The following PCDH15 variants were observed in gnomAD, a reference collection of about 807,000 sequenced individuals.
The protein encoded by PCDH15 is protocadherin related 15.
Under a neutral mutation model 178.5 loss-of-function variants are expected in PCDH15, and 129 were observed. The ratio of observed to expected loss-of-function variants is 0.72; its 90% confidence interval spans 0.63 to 0.84. The LOEUF (loss-of-function observed/expected upper bound fraction) is 0.84, where lower values mean the gene tolerates loss of function less well. Among genes scored for constraint, PCDH15 ranks in the 40% least tolerant of loss-of-function variants. The pLI, the probability that PCDH15 is intolerant of heterozygous loss-of-function variation, is 0.00. For missense variants in PCDH15, 2,230 were observed against 2,099.9 expected (o/e 1.06, Z -1.21); for synonymous variants, 800 against 732.0 (o/e 1.09, Z -1.50).
intron 2 of PCDH15, among the ~76,000 whole-genome samples, chr10:54,967,832 CA>C (rs1267405844): frequency 2.0e-5 from 3 of 152,136 alleles, no homozygotes; most frequent in Non-Finnish European, 4.4e-5. Context: ...CCTATTTCCT[CA>C]ACTTGGGGAC....
chr10:55,582,626 ATATT>A (rs1485520253), intron 2 of PCDH15, among the ~76,000 whole-genome samples: 111 of 61,216 alleles, frequency 1.8e-3, no homozygotes, highest in Admixed American at 4.0e-3. Flanking sequence ...ATATATATAT[ATATT>A]TTTTTTTTTT....
At chr10:54,812,770 A>G (rs1458520072) in intron 3 of PCDH15, among the ~76,000 whole-genome samples, 1 of 151,922 alleles carries the variant, frequency 6.6e-6, no homozygotes, top group East Asian at 1.9e-4. Flanking sequence ...TTAAAATATT[A>G]TTATTTTTCG....
intron 1 of PCDH15, among the ~76,000 whole-genome samples, chr10:54,767,127 T>C (rs1234113042): frequency 6.6e-6 from 1 of 152,152 alleles, no homozygotes; most frequent in African/African-American, 2.4e-5. Flanking sequence ...AGACACCTTT[T>C]CAGGCTTTTG....
chr10:54,002,067 G>A (rs11003987), intron 20 of PCDH15, among the ~76,000 whole-genome samples: 1 of 35,966 alleles, frequency 2.8e-5, no homozygotes, highest in African/African-American at 1.8e-4. Context: ...ATATATACAT[G>A]TATATATATA....
At chr10:54,398,949 T>C (rs778669301) in intron 3 of PCDH15, among the ~76,000 whole-genome samples, 2 of 152,252 alleles carry the variant, frequency 1.3e-5, no homozygotes, top group South Asian at 2.1e-4. Flanking sequence ...TTCTAAACTA[T>C]AGAATTTTAC....
At chr10:53,995,883 C>G (rs2091817502) in intron 20 of PCDH15, 118 bp from the exon 21 acceptor site, 1 of 885,450 alleles carries the variant, frequency 1.1e-6, no homozygotes, top group South Asian at 1.4e-5. Flanking sequence ...AGCCTTCCAT[C>G]CTCTCAATTC....
intron 2 of PCDH15, among the ~76,000 whole-genome samples, chr10:54,987,937 C>T (rs145689811): frequency 3.4e-4 from 52 of 152,008 alleles, no homozygotes; most frequent in African/African-American, 9.4e-4. Context: ...AGTCTTTGCC[C>T]GTGCCTGTGT....
At chr10:54,296,722 C>A (rs192259369) in intron 8 of PCDH15, among the ~76,000 whole-genome samples, 2 of 152,248 alleles carry the variant, frequency 1.3e-5, no homozygotes, top group African/African-American at 2.4e-5. Flanking sequence ...GCAGGCCTAA[C>A]AAAGGCTATT....
At chr10:55,248,282 A>G (rs1170773564) in intron 1 of PCDH15, among the ~76,000 whole-genome samples, 3 of 152,088 alleles carry the variant, frequency 2.0e-5, no homozygotes, top group Non-Finnish European at 4.4e-5. Flanking sequence ...TTTGAAAAAA[A>G]CACTTATTAT....
rs71007854 is a variant in PCDH15 at position 54,427,269 on chromosome 10, G to GTTTTTTTTTTTT, written c.158-48339_158-48328dup. 7.0e-5 allele frequency among the ~76,000 whole-genome samples: 4 copies of GTTTTTTTTTTTT among 56,760 alleles called. 1 individual carries two copies. The highest frequency in any genetic ancestry group is 1.7e-4 in the African/African-American group (2 of 12,044). The allele number at this position is 56,760 out of a possible 152,430, so 37.2% of individuals were successfully genotyped here. Reference sequence around the variant, plus strand: ...CCTCTCATTTCTTTCTCTTTTTCTGGTTTTTTTTTTTTTTTTTTTTTTTTT... The same window carrying GTTTTTTTTTTTT: ...CCTCTCATTTCTTTCTCTTTTTCTGGTTTTTTTTTTTTTTTTTTTTTTTTTTTTTTTTTTTTT... On this transcript the variant is annotated intron_variant, in intron 3 of 37. Transcript: ENST00000644397.
intron 37 of PCDH15, chr10:53,808,187 G>C (rs1387803006): frequency 6.5e-6 from 1 of 154,402 alleles, no homozygotes. Context: ...ATTTGAACAT[G>C]TTCATGATAG....
chr10:54,160,997 T>C (rs547956053), intron 13 of PCDH15, among the ~76,000 whole-genome samples: 8 of 152,306 alleles, frequency 5.3e-5, no homozygotes, highest in African/African-American at 1.7e-4. Context: ...CCATGTAATC[T>C]AGCACTTTTC....
chr10:54,378,516 C>T (rs1441407539), intron 4 of PCDH15, among the ~76,000 whole-genome samples: 1 of 151,954 alleles, frequency 6.6e-6, no homozygotes, highest in East Asian at 1.9e-4. Flanking sequence ...AAGGGTACCA[C>T]CTCTTTTTTC....
chr10:54,567,029 T>C lies in PCDH15; in HGVS notation c.92-39152A>G, dbSNP rs185662150. The stretch of plus-strand genomic sequence containing the variant: ...GGGTTTAGAATTTTGGTCATTCTAA[T>C]AGGTGTGTAGTGTTATCTCATTATT... On this transcript the variant is annotated intron_variant, in intron 2 of 37. Transcript: ENST00000644397. Among the ~76,000 whole-genome samples, 109 of 152,300 alleles carry C rather than the reference T, an allele frequency of 7.2e-4. 1 individual carries two copies. The highest frequency in any genetic ancestry group is 2.4e-3 in the African/African-American group (101 of 41,564).
intron 1 of PCDH15, among the ~76,000 whole-genome samples, chr10:54,694,029 A>C (rs2095177070): frequency 6.6e-6 from 1 of 152,158 alleles, no homozygotes; most frequent in Admixed American, 6.6e-5. Flanking sequence ...CTCTTGTTTG[A>C]AGTTGTCTCA....
At chr10:54,582,700 G>A (rs994734896) in intron 2 of PCDH15, among the ~76,000 whole-genome samples, 5 of 151,986 alleles carry the variant, frequency 3.3e-5, no homozygotes, top group African/African-American at 1.2e-4. Context: ...ATTGCTTGAG[G>A]CCAAGAGTTC....
chr10:55,033,137 G>C (rs1418689824), intron 2 of PCDH15, among the ~76,000 whole-genome samples: 1 of 152,158 alleles, frequency 6.6e-6, no homozygotes, highest in Non-Finnish European at 1.5e-5. Flanking sequence ...TCAGGTTCTA[G>C]GCAGAGAATT....
chr10:55,110,736 G>C (rs905859981), intron 2 of PCDH15, among the ~76,000 whole-genome samples: 1 of 151,532 alleles, frequency 6.6e-6, no homozygotes, highest in Admixed American at 6.6e-5. Context: ...AGTTTAACAA[G>C]GATCTGATGG....
intron 2 of PCDH15, among the ~76,000 whole-genome samples, chr10:55,075,638 C>G (rs1841869744): frequency 6.6e-6 from 1 of 152,074 alleles, no homozygotes; most frequent in African/African-American, 2.4e-5. Flanking sequence ...GCTGGGATTA[C>G]AGGCATAAGC....
Sources: gnomAD v4.1 joint callset for allele counts (sites outside exome capture counted in the v4.1 genomes callset) on GRCh38, gnomAD v4.1.1 for gene constraint, MANE v1.5 for transcripts, NCBI Gene and HGNC (gene_info 2026-07-23, HGNC 2026-07-21) for gene names.